DLGAP4: variants seen among roughly 807,000 people sequenced by gnomAD.
DLGAP4 encodes the protein DLG associated protein 4.
DLGAP4 carries 18 observed loss-of-function variants against 86.9 expected under a neutral mutation model. The ratio of observed to expected loss-of-function variants is 0.21; its 90% CI spans 0.14 to 0.31. The LOEUF is 0.31. Ranked by LOEUF, DLGAP4 falls within the 10% of genes least tolerant of loss-of-function variation. The pLI, the probability that DLGAP4 is intolerant of heterozygous loss-of-function variation, is 1.00. For missense variants in DLGAP4, 1,085 were observed against 1,362.6 expected, an observed-to-expected ratio of 0.80 and a Z score of 3.21; for synonymous variants, 548 against 574.3, an observed-to-expected ratio of 0.95 and a Z score of 0.65.
At chr20:36,374,095 A>G (rs1005842229) in intron 2 of DLGAP4, among the ~76,000 whole-genome samples, 9 of 152,096 alleles carry the variant, frequency 5.9e-5, no homozygotes, top group Non-Finnish European at 1.2e-4. Context: ...TACGGTCAGA[A>G]GCTCACTGAG....
Position 36,393,145 on chromosome 20 carries a change from T to C in DLGAP4, c.-73+25870T>C, listed in dbSNP as rs759827962. On this transcript the variant is annotated intron_variant, in intron 2 of 12. Coordinates refer to ENST00000339266, the MANE Select transcript of DLGAP4 (RefSeq NM_001365621.2). The surrounding 1 kb of genome is among the most constrained non-coding windows in gnomAD (Gnocchi z 4.4). Reference sequence around the variant, plus strand: ...TTGGTCAAGAGCTCAGGGGTGAGACTAGGGTGGGACTGGAGAACTGGGAGT... The same window carrying C: ...TTGGTCAAGAGCTCAGGGGTGAGACCAGGGTGGGACTGGAGAACTGGGAGT... Among the ~76,000 whole-genome samples the C allele has an allele frequency of 9.2e-5, 14 of 151,466 alleles. No homozygotes were observed. Among genetic ancestry groups the C allele is most frequent in the Non-Finnish European group, 1.6e-4 (11 of 67,838 alleles).
intron 5 of DLGAP4, among the ~76,000 whole-genome samples, chr20:36,441,658 C>T (rs752118619): frequency 2.0e-4 from 30 of 152,168 alleles, no homozygotes; most frequent in Non-Finnish European, 1.5e-4. Flanking sequence ...GCTGAATGGA[C>T]GGCATCCCTC....
At chr20:36,334,677 A>G (rs2065303741) in intron 1 of DLGAP4, among the ~76,000 whole-genome samples, 1 of 152,162 alleles carries the variant, frequency 6.6e-6, no homozygotes, top group African/African-American at 2.4e-5. Flanking sequence ...GTACTGGGCT[A>G]GGTGAAGGGC....
At chr20:36,486,398 A>G (rs2035414027) in intron 7 of DLGAP4, among the ~76,000 whole-genome samples, 1 of 152,150 alleles carries the variant, frequency 6.6e-6, no homozygotes, top group South Asian at 2.1e-4. Context: ...CTGGACCTAA[A>G]ATCATGATGA....
At chr20:36,334,759 G>A (rs1219515504) in intron 1 of DLGAP4, among the ~76,000 whole-genome samples, 1 of 152,104 alleles carries the variant, frequency 6.6e-6, no homozygotes, top group Non-Finnish European at 1.5e-5. Context: ...GGGGCTGCTG[G>A]AGACACGGCA....
At chr20:36,430,380 A>G (rs1025800487) in intron 2 of DLGAP4, among the ~76,000 whole-genome samples, 1 of 152,188 alleles carries the variant, frequency 6.6e-6, no homozygotes, top group African/African-American at 2.4e-5. Flanking sequence ...CCCAGCAGTC[A>G]TACTTGGTAG....
chr20:36,394,537 G>A (rs111804952), intron 2 of DLGAP4, among the ~76,000 whole-genome samples: 1 of 152,322 alleles, frequency 6.6e-6, no homozygotes, highest in South Asian at 2.1e-4. Flanking sequence ...GGGCTGTGTG[G>A]GCTGTGGTGC....
intron 11 of DLGAP4, 71 bp from the exon 12 acceptor site, chr20:36,525,780 T>G (rs893141274): frequency 7.5e-6 from 12 of 1,591,118 alleles, no homozygotes; most frequent in Non-Finnish European, 1.0e-5. Flanking sequence ...GAACCCTGCT[T>G]GTTGGGGGGT....
At chr20:36,352,538 G>A (rs2030193902) in intron 1 of DLGAP4, among the ~76,000 whole-genome samples, 1 of 152,124 alleles carries the variant, frequency 6.6e-6, no homozygotes, top group Non-Finnish European at 1.5e-5. Context: ...TGAGTGTGGG[G>A]CGAGAGAGAG....
intron 1 of DLGAP4, among the ~76,000 whole-genome samples, chr20:36,332,444 C>T (rs2065278903): frequency 6.6e-6 from 1 of 152,054 alleles, no homozygotes; most frequent in Admixed American, 6.5e-5. Flanking sequence ...GGTTGGAGTG[C>T]AGTGGCACGA....
At chr20:36,460,344 A>C (rs1390370241) in intron 7 of DLGAP4, among the ~76,000 whole-genome samples, 2 of 152,234 alleles carry the variant, frequency 1.3e-5, no homozygotes, top group African/African-American at 4.8e-5. Flanking sequence ...CAGGCGTAGC[A>C]TAAGTGACTG....
chr20:36,525,516 G>T (rs1268096157), intron 11 of DLGAP4: 2 of 372,930 alleles, frequency 5.4e-6, no homozygotes, highest in Non-Finnish European at 1.0e-5. Flanking sequence ...AGTGAATCGG[G>T]CTTCTCTCGG....
chr20:36,411,927 C>T lies in DLGAP4; in HGVS notation c.-72-19719C>T, dbSNP rs568415546. Among the ~76,000 whole-genome samples the T allele has an allele frequency of 5.9e-5, 9 of 152,338 alleles. No homozygotes were observed. In the South Asian group the frequency reaches 1.9e-3, roughly 32 times the overall value. ...CTCAGAGATCTGGCTGAAATACCGT[C>T]TCCTCTGGGGACCCTTCCTGGTGCC... On this transcript the variant is annotated intron_variant, in intron 2 of 12. Coordinates refer to ENST00000339266, the MANE Select transcript of DLGAP4 (RefSeq NM_001365621.2).
intron 5 of DLGAP4, among the ~76,000 whole-genome samples, chr20:36,442,368 A>G (rs2033472044): frequency 6.6e-6 from 1 of 151,984 alleles, no homozygotes; most frequent in African/African-American, 2.4e-5. Flanking sequence ...CTAATTTTGT[A>G]TTTTTAGTAG....
intron 1 of DLGAP4, among the ~76,000 whole-genome samples, chr20:36,335,674 C>T (rs1284019124): frequency 2.6e-5 from 4 of 152,210 alleles, no homozygotes; most frequent in Admixed American, 1.3e-4. Context: ...CTCTTGTTCC[C>T]GAACGTGCAG....
intron 2 of DLGAP4, among the ~76,000 whole-genome samples, chr20:36,368,985 G>A (rs943286922): frequency 6.6e-6 from 1 of 152,288 alleles, no homozygotes; most frequent in Non-Finnish European, 1.5e-5. Context: ...CTCTGAGAAC[G>A]CAGCAGAGCA....
At chr20:36,492,599 T>C in intron 7 of DLGAP4, 1 of 152,314 alleles carries the variant, frequency 6.6e-6, no homozygotes, top group Non-Finnish European at 1.5e-5. Flanking sequence ...AAGGTGTGCC[T>C]CTTCCCACCA....
intron 2 of DLGAP4, among the ~76,000 whole-genome samples, chr20:36,423,996 C>T (rs1629812): frequency 0.41 from 61,867 of 151,752 alleles, 12,696 homozygotes; most frequent in African/African-American, 0.44. Flanking sequence ...CCCCATGTTA[C>T]AGAAGAGGAA....
intron 1 of DLGAP4, among the ~76,000 whole-genome samples, chr20:36,327,133 G>A (rs1170253091): frequency 6.6e-6 from 1 of 151,338 alleles, no homozygotes; most frequent in Non-Finnish European, 1.5e-5. Flanking sequence ...CCGAGTAGCT[G>A]GGACTACAAG....
Sources: gnomAD v4.1 joint callset for allele counts (sites outside exome capture counted in the v4.1 genomes callset) on GRCh38, gnomAD v4.1.1 for gene constraint, Gnocchi (gnomAD v3.1) non-coding constraint, MANE v1.5 for transcripts, NCBI Gene and HGNC (gene_info 2026-07-23, HGNC 2026-07-21) for gene names.